Variants in AMN1 observed in about 807,000 individuals in gnomAD.
AMN1 encodes the protein protein AMN1 homolog.
Under a neutral mutation model 33.0 loss-of-function variants are expected in AMN1, and 20 were observed. The observed-to-expected ratio is 0.61, with a 90% confidence interval of 0.43 to 0.88. AMN1 has a LOEUF of 0.88. Among genes scored for constraint, AMN1 ranks in the 40% least tolerant of loss-of-function variants. AMN1 has a pLI of 0.00. For synonymous variants in AMN1, 114 were observed against 111.9 expected, an observed-to-expected ratio of 1.02 and a Z score of -0.12; for missense variants, 246 against 307.4, an observed-to-expected ratio of 0.80 and a Z score of 1.49.
chr12:31,728,769 C>A (rs192578843), intron 1 of AMN1, among the ~76,000 whole-genome samples: 1 of 152,150 alleles, frequency 6.6e-6, no homozygotes, highest in Admixed American at 6.5e-5. Flanking sequence ...AGGGGCAAGC[C>A]CGCCAAGAGA....
chr12:31,711,513 C>T (rs1939465490), intron 1 of AMN1, among the ~76,000 whole-genome samples: 1 of 152,168 alleles, frequency 6.6e-6, no homozygotes, highest in African/African-American at 2.4e-5. Flanking sequence ...CTTGCATGAG[C>T]TTGCTGGCTA....
chr12:31,680,335 G>A (rs1471688535), intron 6 of AMN1, among the ~76,000 whole-genome samples: 8 of 151,600 alleles, frequency 5.3e-5, no homozygotes, highest in African/African-American at 1.9e-4. Context: ...CAAATACCTG[G>A]GATTATAGGC....
Position 31,689,104 on chromosome 12 carries a change from T to C in AMN1, c.606A>G (p.Gly202=). 6.2e-7 allele frequency: 1 copy of C among 1,610,986 alleles called. No individual in the cohort carries two copies. Among genetic ancestry groups the C allele is most frequent in the Non-Finnish European group, 8.5e-7 (1 of 1,177,860 alleles). Residue 202 remains glycine (G), a synonymous_variant, in exon 6 of 7, where the codon GGA becomes GGG. Coordinates refer to ENST00000281471, the MANE Select transcript of AMN1 (RefSeq NM_001113402.2). The part of the protein sequence containing the change: ...CAKKLEEIHM[G]HCVNLTDGAV... Reference sequence around the variant, plus strand: ...CCCCATCAGTCAGATTTACACAATGTCCCATATGAATCTCCTATGCAAAAA... The same window carrying C: ...CCCCATCAGTCAGATTTACACAATGCCCCATATGAATCTCCTATGCAAAAA...
chr12:31,683,992 CT>C lies in AMN1; in HGVS notation c.703+5014del, dbSNP rs1938142538. 6.6e-6 allele frequency among the ~76,000 whole-genome samples: 1 copy of C among 152,114 alleles called. No individual in the cohort carries two copies. The highest frequency in any genetic ancestry group is 2.4e-5 in the African/African-American group (1 of 41,410). On this transcript the variant is annotated intron_variant, in intron 6 of 6. Coordinates refer to ENST00000281471, the MANE Select transcript of AMN1 (RefSeq NM_001113402.2). The surrounding 1 kb of genome is among the most constrained non-coding windows in gnomAD (Gnocchi z 4.1). ...TGTGATCTTGAAAGCTATCCAGGACCTTTCTAATGACATCAGTTATTATGTT... is the reference window on the plus strand; with the variant it reads ...TGTGATCTTGAAAGCTATCCAGGACCTTCTAATGACATCAGTTATTATGTT...
At chr12:31,717,375 C>T (rs536081924) in intron 1 of AMN1, among the ~76,000 whole-genome samples, 8 of 152,272 alleles carry the variant, frequency 5.3e-5, no homozygotes, top group African/African-American at 1.7e-4. Context: ...GGTTCCATGT[C>T]TTTGCTATTG....
chr12:31,694,075 A>T (rs1183143194), intron 5 of AMN1, among the ~76,000 whole-genome samples: 2 of 152,050 alleles, frequency 1.3e-5, no homozygotes, highest in East Asian at 3.9e-4. Context: ...AATGGAACAA[A>T]TTAAAAGCAA....
intron 1 of AMN1, among the ~76,000 whole-genome samples, chr12:31,716,694 T>C (rs1939689806): frequency 6.6e-6 from 1 of 152,220 alleles, no homozygotes; most frequent in African/African-American, 2.4e-5. Flanking sequence ...GTTAATTATG[T>C]TTCTTACTGA....
intron 2 of AMN1, among the ~76,000 whole-genome samples, 152 bp from the exon 3 acceptor site, chr12:31,702,159 A>G (rs1200314654): frequency 1.3e-5 from 2 of 152,260 alleles, no homozygotes; most frequent in East Asian, 1.9e-4. Flanking sequence ...AGACAGACAC[A>G]CAAAGCAGGA....
intron 1 of AMN1, among the ~76,000 whole-genome samples, chr12:31,723,473 G>A (rs1407751510): frequency 6.6e-6 from 1 of 152,014 alleles, no homozygotes; most frequent in African/African-American, 2.4e-5. Flanking sequence ...ACTATGCCCG[G>A]CTAAGTTTTT....
At chr12:31,704,496 C>CT (rs11319937) in intron 2 of AMN1, among the ~76,000 whole-genome samples, 18 of 144,148 alleles carry the variant, frequency 1.2e-4, no homozygotes, top group South Asian at 2.2e-4. Context: ...GACTTTGTTT[C>CT]TTTTTTTTTT....
At chr12:31,729,132 G>T, upstream of AMN1, 2 of 1,149,506 alleles carry the variant, frequency 1.7e-6, no homozygotes, top group South Asian at 3.2e-5. Context: ...GATTTTTCCG[G>T]TGACCGGGGC....
chr12:31,714,977 AT>A (rs1939614043), intron 1 of AMN1: 1 of 868,880 alleles, frequency 1.2e-6, no homozygotes, highest in Non-Finnish European at 1.4e-6. Flanking sequence ...CAGAATTGGG[AT>A]TAAAAAATGA....
intron 1 of AMN1, 37 bp downstream of exon 1, chr12:31,728,934 G>A: frequency 6.5e-7 from 1 of 1,538,978 alleles, no homozygotes; most frequent in South Asian, 1.2e-5. Flanking sequence ...GGAGGTGCTG[G>A]GGCGGCGCGA....
chr12:31,679,922 C>T (rs1251227691), intron 6 of AMN1, among the ~76,000 whole-genome samples: 13 of 151,682 alleles, frequency 8.6e-5, no homozygotes, highest in Admixed American at 7.9e-4. Context: ...GTCAGGAGTT[C>T]GAGACTAGGC....
intron 1 of AMN1, among the ~76,000 whole-genome samples, chr12:31,724,693 G>A (rs1351187703): frequency 1.3e-5 from 2 of 149,274 alleles, no homozygotes; most frequent in East Asian, 1.9e-4. Flanking sequence ...GCCCCCCACC[G>A]CCACCTTTTT....
At chr12:31,699,146 T>A (rs976721940) in intron 3 of AMN1, among the ~76,000 whole-genome samples, 1 of 151,734 alleles carries the variant, frequency 6.6e-6, no homozygotes, top group African/African-American at 2.4e-5. Flanking sequence ...ATCTCAGCAC[T>A]TTGGGAGGCC....
Position 31,672,360 on chromosome 12 carries a change from A to C in AMN1, c.721T>G (p.Leu241Val). Reference sequence around the variant, plus strand: ...TTGTTTGGGCCTACTAATTGCTCCAACACTTCTCGGGAATGATCTATAAAA... The same window carrying C: ...TTGTTTGGGCCTACTAATTGCTCCACCACTTCTCGGGAATGATCTATAAAA... ...PLITDHSREV[L>V]EQLVGPNKLK... Residue 241 changes from leucine to valine, a missense_variant, in exon 7 of 7, where the codon TTG becomes GTG. Physicochemically the swap from Leu to Val is conservative, Grantham distance 32. Transcript: ENST00000281471. The C allele has an allele frequency of 6.3e-7, 1 of 1,574,922 alleles. No homozygotes were observed. Among genetic ancestry groups the C allele is most frequent in the Non-Finnish European group, 8.6e-7 (1 of 1,157,996 alleles).
chr12:31,679,713 C>T (rs1937908423), intron 6 of AMN1, among the ~76,000 whole-genome samples: 2 of 152,144 alleles, frequency 1.3e-5, no homozygotes, highest in Non-Finnish European at 2.9e-5. Context: ...TGAATACTGT[C>T]AAACATGCTT....
chr12:31,725,825 A>T (rs1940040535), intron 1 of AMN1, among the ~76,000 whole-genome samples: 1 of 152,160 alleles, frequency 6.6e-6, no homozygotes, highest in Non-Finnish European at 1.5e-5. Flanking sequence ...CCTCCCAAGT[A>T]GCTGGGAATA....
Sources: allele counts gnomAD v4.1 joint callset (sites outside exome capture counted in the v4.1 genomes callset), GRCh38; gene constraint gnomAD v4.1.1; non-coding constraint Gnocchi (gnomAD v3.1); transcripts MANE v1.5; gene names NCBI Gene and HGNC (gene_info 2026-07-23, HGNC 2026-07-21).